Variants in PTPRD observed in about 807,000 individuals in gnomAD.
The protein encoded by PTPRD is receptor-type tyrosine-protein phosphatase delta.
In PTPRD, 34 loss-of-function variants were observed where a neutral mutation model predicts 214.5. The ratio of observed to expected loss-of-function variants is 0.16; its 90% CI spans 0.12 to 0.21. The LOEUF (loss-of-function observed/expected upper bound fraction) is 0.21. Among genes scored for constraint, PTPRD ranks in the 10% least tolerant of loss-of-function variants. The pLI, the probability that PTPRD is intolerant of heterozygous loss-of-function variation, is 1.00. For synonymous variants in PTPRD, 1,128 were observed against 845.7 expected, an observed-to-expected ratio of 1.33 and a Z score of -5.79; for missense variants, 2,545 against 2,398.7, an observed-to-expected ratio of 1.06 and a Z score of -1.27.
At chr9:9,233,968 G>A (rs1254931914) in intron 9 of PTPRD, among the ~76,000 whole-genome samples, 2 of 152,158 alleles carry the variant, frequency 1.3e-5, no homozygotes, top group African/African-American at 4.8e-5. Context: ...CCTGGGGTCT[G>A]GAGGATGATG....
rs141745041 is a variant in PTPRD, at chr9:10,018,086, T to G, written c.-472+15632A>C. ...TACTTTTGATTAGTAATTTCATTACTAGATTATTAGGTTATGAAATCCCCT... is the reference window on the plus strand; with the variant it reads ...TACTTTTGATTAGTAATTTCATTACGAGATTATTAGGTTATGAAATCCCCT... On this transcript the variant is annotated intron_variant, in intron 4 of 45. Coordinates refer to ENST00000381196, the MANE Select transcript of PTPRD (RefSeq NM_002839.4). Among the ~76,000 whole-genome samples the G allele has an allele frequency of 6.3e-3, 952 of 152,188 alleles. 4 individuals carry two copies. The highest frequency in any genetic ancestry group is 0.021 in the African/African-American group (877 of 41,514).
intron 43 of PTPRD, among the ~76,000 whole-genome samples, chr9:8,335,956 T>C (rs1021252966): frequency 9.2e-5 from 14 of 151,906 alleles, no homozygotes; most frequent in East Asian, 5.8e-4. Flanking sequence ...CTCAAGGAAA[T>C]AAGAGAGGAC....
chr9:8,834,398 G>C (rs1601369081), intron 11 of PTPRD, among the ~76,000 whole-genome samples: 1 of 149,184 alleles, frequency 6.7e-6, no homozygotes. Context: ...TAAAAATTCA[G>C]CACCTATACA....
intron 8 of PTPRD, among the ~76,000 whole-genome samples, chr9:9,397,891 G>A (rs1448002245): frequency 1.3e-5 from 2 of 151,886 alleles, no homozygotes; most frequent in Non-Finnish European, 2.9e-5. Flanking sequence ...ACCTTCCTGA[G>A]CTCAAAAATT....
At position 9,810,670 on chromosome 9, in the gene PTPRD, TA is replaced by T. The variant is rs550416844; in HGVS notation, c.-367-43820del. On this transcript the variant is annotated intron_variant, in intron 5 of 45. Coordinates refer to ENST00000381196, the MANE Select transcript of PTPRD (RefSeq NM_002839.4). ...CTCATTGACAATGCACATAGTAACCTAAAGAGCTCTCTGATGAAGGTATAAA... is the reference window on the plus strand; with the variant it reads ...CTCATTGACAATGCACATAGTAACCTAAGAGCTCTCTGATGAAGGTATAAA... 1.2e-3 allele frequency among the ~76,000 whole-genome samples: 186 copies of T among 152,052 alleles called. 4 individuals are homozygous for T. The South Asian group carries it at 0.014, about 12-fold the overall frequency.
intron 9 of PTPRD, among the ~76,000 whole-genome samples, chr9:9,331,629 T>G (rs1330125614): frequency 1.3e-5 from 2 of 152,076 alleles, no homozygotes; most frequent in Non-Finnish European, 2.9e-5. Flanking sequence ...AATACCGTCT[T>G]GCTAAGATTC....
intron 9 of PTPRD, among the ~76,000 whole-genome samples, chr9:9,336,289 T>C (rs899354723): frequency 3.3e-5 from 5 of 152,154 alleles, no homozygotes; most frequent in African/African-American, 4.8e-5. Flanking sequence ...GTCATACAGA[T>C]AAAAGAATGA....
chr9:8,839,639 C>G (rs1480942483), intron 11 of PTPRD, among the ~76,000 whole-genome samples: 1 of 152,080 alleles, frequency 6.6e-6, no homozygotes, highest in East Asian at 1.9e-4. Flanking sequence ...CTAGTATTCT[C>G]AATCATTACT....
chr9:9,058,508 G>A (rs1348545775), intron 10 of PTPRD, among the ~76,000 whole-genome samples: 1 of 135,986 alleles, frequency 7.4e-6, no homozygotes. Context: ...GAGTGCAGAG[G>A]CGCGATCTCG....
intron 7 of PTPRD, among the ~76,000 whole-genome samples, chr9:9,728,643 C>T (rs1411338605): frequency 1.3e-5 from 2 of 152,058 alleles, no homozygotes; most frequent in East Asian, 3.9e-4. Flanking sequence ...AAACTTTGGG[C>T]ACCACATCAA....
chr9:9,894,206 G>A (rs2074281364), intron 5 of PTPRD, among the ~76,000 whole-genome samples: 2 of 151,942 alleles, frequency 1.3e-5, no homozygotes. Flanking sequence ...ACAGCCTCCT[G>A]GCTGGTCTCT....
chr9:9,596,970 G>C (rs142832002), intron 7 of PTPRD, among the ~76,000 whole-genome samples: 19 of 152,082 alleles, frequency 1.2e-4, no homozygotes, highest in African/African-American at 4.3e-4. Flanking sequence ...AAACTGAAGG[G>C]ATCAGAGAAA....
At chr9:9,083,362 G>A (rs1265104839) in intron 10 of PTPRD, among the ~76,000 whole-genome samples, 3 of 152,138 alleles carry the variant, frequency 2.0e-5, no homozygotes, top group Non-Finnish European at 4.4e-5. Flanking sequence ...GCAGAAAACT[G>A]AAACTGGACC....
chr9:8,788,314 C>T (rs371727563), intron 11 of PTPRD, among the ~76,000 whole-genome samples: 1 of 113,824 alleles, frequency 8.8e-6, no homozygotes, highest in East Asian at 2.8e-4. Context: ...TCGCTTTTGT[C>T]GCCCAGGCAG....
At position 8,492,928 on chromosome 9, in the gene PTPRD, T is replaced by C. The variant is rs2136307457; in HGVS notation, c.2401A>G (p.Thr801Ala). 1 of 1,613,934 alleles carries C rather than the reference T, an allele frequency of 6.2e-7. No individual in the cohort carries two copies. The highest frequency in any genetic ancestry group is 1.1e-5 in the South Asian group (1 of 91,078). Residue 801 changes from threonine to alanine, a missense_variant, in exon 27 of 46, where the codon ACA becomes GCA. Coordinates refer to ENST00000381196, the MANE Select transcript of PTPRD (RefSeq NM_002839.4). ...QPETSYSLTVTAYTTKGDGAR... is the reference protein window; with the variant it reads ...QPETSYSLTVAAYTTKGDGAR... ...CCATCTCCTTTGGTTGTGTAGGCTGTGACGGTGAGGGAGTAGGAAGTTTCA... is the reference window on the plus strand; with the variant it reads ...CCATCTCCTTTGGTTGTGTAGGCTGCGACGGTGAGGGAGTAGGAAGTTTCA...
intron 7 of PTPRD, among the ~76,000 whole-genome samples, chr9:9,635,100 A>G (rs2095716052): frequency 6.6e-6 from 1 of 152,222 alleles, no homozygotes; most frequent in Non-Finnish European, 1.5e-5. Flanking sequence ...CATTAGAGAT[A>G]CAGTGTCCAT....
rs780543295 is a variant in PTPRD at position 10,560,325 on chromosome 9, G to A, written c.-600+52073C>T. ...TTGCAAGAACAAAAAAACAAACACC[G>A]CATATTCTCACTCAAAGGTGGGAAT... On this transcript the variant is annotated intron_variant, in intron 2 of 45. Coordinates refer to ENST00000381196, the MANE Select transcript of PTPRD (RefSeq NM_002839.4). Among the ~76,000 whole-genome samples the A allele has an allele frequency of 1.1e-4, 16 of 151,392 alleles. No individual in the cohort carries two copies. In the East Asian group the frequency reaches 1.2e-3, roughly 11 times the overall value.
In PTPRD at chr9:10,547,516, T is replaced by C. The variant is rs972485657; in HGVS notation, c.-600+64882A>G. ...ATGTGTTTAGAGCAACTTTGACCTG[T>C]GAGATTAAAAAAATCTCATTCCCCT... On this transcript the variant is annotated intron_variant, in intron 2 of 45. Transcript: ENST00000381196. Among the ~76,000 whole-genome samples the C allele has an allele frequency of 2.2e-4, 34 of 152,168 alleles. No individual in the cohort carries two copies. The Middle Eastern group carries it at 0.017, about 76-fold the overall frequency.
chr9:9,865,334 C>CT (rs1159058302), intron 5 of PTPRD, among the ~76,000 whole-genome samples: 1 of 152,186 alleles, frequency 6.6e-6, no homozygotes, highest in Non-Finnish European at 1.5e-5. Context: ...ACTGAGAGCT[C>CT]TGCCATCATG....
Sources: gnomAD v4.1 joint callset for allele counts (sites outside exome capture counted in the v4.1 genomes callset) on GRCh38, gnomAD v4.1.1 for gene constraint, MANE v1.5 for transcripts, NCBI Gene and HGNC (gene_info 2026-07-23, HGNC 2026-07-21) for gene names.